CNOT4: variants seen among roughly 807,000 people sequenced by gnomAD.
CNOT4 encodes the protein CCR4-NOT transcription complex subunit 4.
A neutral mutation model predicts 73.8 loss-of-function variants in CNOT4; 8 were observed. That is an observed-to-expected ratio of 0.11 (90% confidence interval 0.06 to 0.20). The LOEUF (loss-of-function observed/expected upper bound fraction) is 0.20. Ranked by LOEUF, CNOT4 falls within the 10% of genes least tolerant of loss-of-function variation. The pLI is 1.00. For missense variants in CNOT4, 564 were observed against 883.4 expected (o/e 0.64, Z 4.58); for synonymous variants, 293 against 321.1 (o/e 0.91, Z 0.94).
intron 1 of CNOT4, among the ~76,000 whole-genome samples, chr7:135,492,829 GAGTA>G (rs1274722502): frequency 6.6e-6 from 1 of 152,122 alleles, no homozygotes; most frequent in Non-Finnish European, 1.5e-5. Context: ...ATGGGCTAGA[GAGTA>G]AGATCATTAA....
intron 1 of CNOT4, among the ~76,000 whole-genome samples, chr7:135,440,454 C>T (rs901244441): frequency 2.0e-5 from 3 of 151,866 alleles, no homozygotes; most frequent in African/African-American, 7.3e-5. Context: ...ATTATTTTGC[C>T]TTAAGTTACA....
chr7:135,482,039 T>C (rs78220593), intron 1 of CNOT4, among the ~76,000 whole-genome samples: 11,296 of 152,214 alleles, frequency 0.074, 502 homozygotes, highest in Middle Eastern at 0.13. Context: ...CTGGTGACTA[T>C]AGTCAGCAAC....
chr7:135,388,163 C>T (rs1796216570), intron 10 of CNOT4: 2 of 985,032 alleles, frequency 2.0e-6, no homozygotes, highest in Non-Finnish European at 2.4e-6. Flanking sequence ...ATCTTTTAAC[C>T]ATCTATGCAT....
chr7:135,466,925 T>C (rs983704502), intron 1 of CNOT4, among the ~76,000 whole-genome samples: 1 of 152,202 alleles, frequency 6.6e-6, no homozygotes, highest in Non-Finnish European at 1.5e-5. Context: ...GTACACTCCA[T>C]GACATTCACA....
intron 3 of CNOT4, among the ~76,000 whole-genome samples, chr7:135,421,798 G>GTCT (rs2129484527): frequency 6.6e-6 from 1 of 152,208 alleles, no homozygotes; most frequent in East Asian, 1.9e-4. Context: ...CTCCACTGTT[G>GTCT]GTTCTTATAC....
intron 1 of CNOT4, among the ~76,000 whole-genome samples, chr7:135,484,590 T>C (rs563299816): frequency 3.1e-4 from 47 of 152,164 alleles, no homozygotes; most frequent in South Asian, 2.5e-3. Context: ...ACCCCATTTA[T>C]ACTAAAAATA....
chr7:135,388,746 G>C, intron 10 of CNOT4: 1 of 1,576,586 alleles, frequency 6.3e-7, no homozygotes, highest in South Asian at 1.2e-5. Context: ...AAATCCAGTT[G>C]CCCATGCAAG....
At chr7:135,471,585 T>G (rs1482648969) in intron 1 of CNOT4, among the ~76,000 whole-genome samples, 2 of 152,342 alleles carry the variant, frequency 1.3e-5, no homozygotes, top group South Asian at 4.1e-4. Flanking sequence ...ATAGGCAGAA[T>G]AGCAGCCTTG....
chr7:135,490,698 T>A (rs1803054053), intron 1 of CNOT4, among the ~76,000 whole-genome samples: 1 of 152,242 alleles, frequency 6.6e-6, no homozygotes, highest in African/African-American at 2.4e-5. Flanking sequence ...AAGGCTGACA[T>A]GATTTAGTAA....
At chr7:135,391,628 T>A (rs1196271330) in intron 10 of CNOT4, among the ~76,000 whole-genome samples, 1 of 152,088 alleles carries the variant, frequency 6.6e-6, no homozygotes, top group Non-Finnish European at 1.5e-5. Context: ...TAATTTAATG[T>A]CACATTTTTT....
intron 10 of CNOT4, among the ~76,000 whole-genome samples, chr7:135,390,985 G>A (rs17168418): frequency 0.031 from 4,706 of 152,126 alleles, 108 homozygotes; most frequent in Non-Finnish European, 0.047. Context: ...CCCTGTGTAA[G>A]GTATCATGAT....
At chr7:135,381,169 T>C (rs1466049666) in intron 10 of CNOT4, among the ~76,000 whole-genome samples, 1 of 152,158 alleles carries the variant, frequency 6.6e-6, no homozygotes, top group African/African-American at 2.4e-5. Context: ...CAGGAATAAA[T>C]ACATGAATAG....
At chr7:135,509,835 C>T (rs1804629629) in intron 1 of CNOT4, 54 bp downstream of exon 1, 1 of 390,246 alleles carries the variant, frequency 2.6e-6, no homozygotes, top group Non-Finnish European at 4.5e-6. Flanking sequence ...CCTCCGCTCT[C>T]TCGTAGCCGG....
intron 2 of CNOT4, among the ~76,000 whole-genome samples, chr7:135,436,506 T>C (rs956237389): frequency 3.7e-5 from 3 of 81,508 alleles, no homozygotes; most frequent in Non-Finnish European, 7.0e-5. Context: ...ATTTCTAAAA[T>C]ATAACTAAAT....
At chr7:135,490,537 T>C (rs1470485123) in intron 1 of CNOT4, among the ~76,000 whole-genome samples, 6 of 151,228 alleles carry the variant, frequency 4.0e-5, no homozygotes, top group Admixed American at 6.6e-5. Context: ...CCCTTTCTAA[T>C]TTCCTCAGGA....
At chr7:135,446,387 T>A (rs1209566967) in intron 1 of CNOT4, among the ~76,000 whole-genome samples, 1 of 152,192 alleles carries the variant, frequency 6.6e-6, no homozygotes, top group Non-Finnish European at 1.5e-5. Context: ...CACTGAACTG[T>A]ACATTTGAAA....
At chr7:135,447,706 C>T (rs903105625) in intron 1 of CNOT4, among the ~76,000 whole-genome samples, 2 of 152,134 alleles carry the variant, frequency 1.3e-5, no homozygotes, top group African/African-American at 2.4e-5. Flanking sequence ...AAAGCAATAT[C>T]AAACCCAAGG....
At chr7:135,366,774 T>C (rs1424077900) in intron 10 of CNOT4, among the ~76,000 whole-genome samples, 1 of 152,210 alleles carries the variant, frequency 6.6e-6, no homozygotes, top group Non-Finnish European at 1.5e-5. Context: ...TTTATTTCAC[T>C]GTTTTTTCCA....
rs1554421121 is a variant in CNOT4, at chr7:135,365,423, A to AC, written c.1628-1358_1628-1357insG. Among the ~76,000 whole-genome samples, 497 of 152,264 alleles carry AC rather than the reference A, an allele frequency of 3.3e-3. 1 individual carries two copies. The highest frequency in any genetic ancestry group is 5.7e-3 in the Non-Finnish European group (390 of 68,036). ...TATTTGCATATTATTTTACATTTGT[A>AC]TGTGTTGTATGGTTTACAAGGCACT... On this transcript the variant is annotated intron_variant, in intron 10 of 11. Coordinates refer to ENST00000541284, the MANE Select transcript of CNOT4 (RefSeq NM_001190850.2).
Sources: allele counts gnomAD v4.1 joint callset (sites outside exome capture counted in the v4.1 genomes callset), GRCh38; gene constraint gnomAD v4.1.1; transcripts MANE v1.5; gene names NCBI Gene and HGNC (gene_info 2026-07-23, HGNC 2026-07-21).